BNC1: variants seen among roughly 807,000 people sequenced by gnomAD.
The protein encoded by BNC1 is zinc finger protein basonuclin-1.
A neutral mutation model predicts 66.5 loss-of-function variants in BNC1; 8 were observed. That is an observed-to-expected ratio of 0.12 (90% CI 0.07 to 0.22). The LOEUF (loss-of-function observed/expected upper bound fraction) is 0.22, where lower values mean the gene tolerates loss of function less well. BNC1 is among the 10% of genes least tolerant of loss of function. The pLI is 1.00. For synonymous variants in BNC1, 454 were observed against 452.6 expected, an observed-to-expected ratio of 1.00 and a Z score of -0.04; for missense variants, 1,069 against 1,241.3, an observed-to-expected ratio of 0.86 and a Z score of 2.09.
In BNC1 at chr15:83,257,533, G is replaced by A; in HGVS notation, c.2894C>T (p.Thr965Ile). Residue 965 changes from threonine (T) to isoleucine (I), a missense_variant, in exon 5 of 5, where the codon ACC becomes ATC. Transcript: ENST00000345382. Reference sequence around the variant, plus strand: ...TCGACTGCGAACAGACGAAAACATGGTGTTGCAGCCTGGTACTTTGCATTT... The same window carrying A: ...TCGACTGCGAACAGACGAAAACATGATGTTGCAGCCTGGTACTTTGCATTT... ...LHKCKVPGCN[T>I]MFSSVRSRNR... 6.2e-7 allele frequency: 1 copy of A among 1,614,190 alleles called. No individual in the cohort carries two copies. Among genetic ancestry groups the A allele is most frequent in the Non-Finnish European group, 8.5e-7 (1 of 1,180,042 alleles).
chr15:83,284,468 G>A, intron 1 of BNC1, 62 bp downstream of exon 1: 8 of 1,069,154 alleles, frequency 7.5e-6, no homozygotes, highest in Non-Finnish European at 8.1e-6. Flanking sequence ...GCCCAGCGGC[G>A]TCCCGGGCCG....
chr15:83,281,455 T>C (rs1056796154), intron 1 of BNC1, among the ~76,000 whole-genome samples: 8 of 152,192 alleles, frequency 5.3e-5, no homozygotes, highest in African/African-American at 9.6e-5. Context: ...TGGCTCATCA[T>C]TGAGATTTTA....
intron 1 of BNC1, among the ~76,000 whole-genome samples, chr15:83,275,696 G>A (rs2038314337): frequency 6.6e-6 from 1 of 152,040 alleles, no homozygotes; most frequent in African/African-American, 2.4e-5. Flanking sequence ...AAGGGAGAAG[G>A]CATAGCAAGT....
chr15:83,261,154 G>A (rs191147810), intron 4 of BNC1, among the ~76,000 whole-genome samples: 1 of 152,286 alleles, frequency 6.6e-6, no homozygotes, highest in Admixed American at 6.5e-5. Context: ...CAACATGACT[G>A]TCTCTGTAGC....
chr15:83,283,375 G>C, intron 1 of BNC1: 1 of 1,376,224 alleles, frequency 7.3e-7, no homozygotes, highest in South Asian at 1.7e-5. Flanking sequence ...AGGAGCAGCG[G>C]GAGACCCCGC....
At position 83,256,895 on chromosome 15, in the gene BNC1, C is replaced by G. The variant is rs1265860968; in HGVS notation, c.*547G>C. On this transcript the variant is annotated 3_prime_UTR_variant, in exon 5 of 5. Transcript: ENST00000345382. ...CTCCCTGGGGTAACATATGAGACCT[C>G]TGGTGCAGGGCTGAGGGGAGGGACA... The G allele has an allele frequency of 6.5e-6, 1 of 153,672 alleles. No individual in the cohort carries two copies. Among genetic ancestry groups the G allele is most frequent in the Non-Finnish European group, 1.4e-5 (1 of 69,184 alleles). The allele number at this position is 153,672 out of a possible 1,614,324, so 9.5% of individuals were successfully genotyped here.
At chr15:83,274,255 G>T (rs1300188721) in intron 1 of BNC1, among the ~76,000 whole-genome samples, 2 of 152,146 alleles carry the variant, frequency 1.3e-5, no homozygotes. Flanking sequence ...CGTGGTGGCA[G>T]GCGCCTGTAG....
intron 1 of BNC1, among the ~76,000 whole-genome samples, chr15:83,276,554 T>C (rs1207364250): frequency 6.6e-6 from 1 of 152,230 alleles, no homozygotes. Context: ...TCTCAGTTGG[T>C]GGTCAGGTGA....
Position 83,257,790 on chromosome 15 carries a change from C to T in BNC1, c.2637G>A (p.Val879=). ...SSHSSWDSDG[V]SEEGTVLMED... ...CCATAAGCACAGTGCCTTCCTCACT[C>T]ACCCCGTCAGAGTCCCAGGAAGAAT... The change falls in exon 5 of 5, where the codon GTG becomes GTA. Residue 879 remains valine, a synonymous_variant. Coordinates refer to ENST00000345382, the MANE Select transcript of BNC1 (RefSeq NM_001717.4). 2 of 1,614,146 alleles carry T rather than the reference C, an allele frequency of 1.2e-6. No individual in the cohort carries two copies. The highest frequency in any genetic ancestry group is 1.7e-6 in the Non-Finnish European group (2 of 1,180,020).
Position 83,262,957 on chromosome 15 carries a change from C to A in BNC1, c.2294G>T (p.Arg765Ile). 6.2e-7 allele frequency: 1 copy of A among 1,605,236 alleles called. No homozygotes were observed. The highest frequency in any genetic ancestry group is 8.5e-7 in the Non-Finnish European group (1 of 1,174,948). ...CNATFPSRRS[R>I]DRHSSNLNLH... ...TTGCCTACAGATGCCTTACCTGTCT[C>A]TGCTCCTGCGGGAGGGAAAGGTAGC... The change falls in exon 4 of 5, where the codon AGA (arginine) becomes ATA (isoleucine). Residue 765 changes from arginine to isoleucine, a missense_variant. This residue lies in a region of BNC1 where 657 missense variants were observed against 715.8 expected (regional missense o/e 0.92). Coordinates refer to ENST00000345382, the MANE Select transcript of BNC1 (RefSeq NM_001717.4).
chr15:83,283,393 T>G (rs2038404058), intron 1 of BNC1: 16 of 1,239,556 alleles, frequency 1.3e-5, no homozygotes, highest in Middle Eastern at 3.1e-4. Context: ...CGCAGCGGCC[T>G]CCTCCTTCTC....
intron 1 of BNC1, among the ~76,000 whole-genome samples, chr15:83,282,683 C>T (rs1185835449): frequency 2.0e-5 from 3 of 152,146 alleles, no homozygotes; most frequent in Non-Finnish European, 4.4e-5. Flanking sequence ...ATCAAGAGAT[C>T]CCATAAAATC....
At chr15:83,272,728 TAGAG>T (rs780855342) in intron 1 of BNC1, among the ~76,000 whole-genome samples, 89 of 152,278 alleles carry the variant, frequency 5.8e-4, no homozygotes, top group Non-Finnish European at 1.2e-3. Flanking sequence ...AGCAAAATCA[TAGAG>T]GGAACAATTC....
intron 1 of BNC1, among the ~76,000 whole-genome samples, chr15:83,270,014 A>C (rs2038254708): frequency 6.6e-6 from 1 of 152,222 alleles, no homozygotes; most frequent in Non-Finnish European, 1.5e-5. Flanking sequence ...ATGAAATGTC[A>C]AGAACAGGCC....
At chr15:83,279,277 C>T (rs531798542) in intron 1 of BNC1, among the ~76,000 whole-genome samples, 2 of 151,976 alleles carry the variant, frequency 1.3e-5, no homozygotes, top group South Asian at 4.2e-4. Context: ...TGAGACTGGC[C>T]CAAAGTTGGT....
intron 4 of BNC1, among the ~76,000 whole-genome samples, chr15:83,262,669 T>A (rs2038157373): frequency 6.6e-6 from 1 of 152,166 alleles, no homozygotes; most frequent in South Asian, 2.1e-4. Flanking sequence ...CCCAGAATAG[T>A]AACATCAGCA....
At chr15:83,277,768 T>C (rs2038341282) in intron 1 of BNC1, among the ~76,000 whole-genome samples, 2 of 152,316 alleles carry the variant, frequency 1.3e-5, no homozygotes, top group East Asian at 1.9e-4. Context: ...ACTTAACCTG[T>C]TGTGAAATTG....
intron 1 of BNC1, among the ~76,000 whole-genome samples, chr15:83,280,278 A>G (rs1385434579): frequency 1.3e-5 from 2 of 152,236 alleles, no homozygotes; most frequent in Non-Finnish European, 2.9e-5. Context: ...GAAACCTCAG[A>G]GGTAATCTTT....
chr15:83,270,173 G>A (rs1169265174), intron 1 of BNC1, among the ~76,000 whole-genome samples: 1 of 152,162 alleles, frequency 6.6e-6, no homozygotes, highest in Non-Finnish European at 1.5e-5. Flanking sequence ...GCTTTATCGA[G>A]ATACAATTCA....
Sources: allele counts gnomAD v4.1 joint callset (sites outside exome capture counted in the v4.1 genomes callset), GRCh38; gene constraint gnomAD v4.1.1; regional missense constraint gnomAD v4.1.1; transcripts MANE v1.5; gene names NCBI Gene and HGNC (gene_info 2026-07-23, HGNC 2026-07-21).